PSMB7: variants seen among roughly 807,000 people sequenced by gnomAD.
PSMB7 encodes the protein proteasome subunit beta type-7.
Under a neutral mutation model 28.1 loss-of-function variants are expected in PSMB7, and 5 were observed. That is an observed-to-expected ratio of 0.18 (90% CI 0.09 to 0.37). PSMB7 has a LOEUF of 0.37. Among genes scored for constraint, PSMB7 ranks in the 10% least tolerant of loss-of-function variants. PSMB7 has a pLI of 1.00. For synonymous variants in PSMB7, 122 were observed against 123.7 expected (o/e 0.99, Z 0.09); for missense variants, 275 against 346.2 (o/e 0.79, Z 1.63).
At chr9:124,390,385 G>A (rs201909937) in intron 5 of PSMB7, among the ~76,000 whole-genome samples, 2 of 151,826 alleles carry the variant, frequency 1.3e-5, no homozygotes, top group African/African-American at 2.4e-5. Context: ...CCCAAGTCAC[G>A]TATCTTAAAA....
chr9:124,402,517 T>A (rs529702713), intron 5 of PSMB7, among the ~76,000 whole-genome samples: 1 of 152,314 alleles, frequency 6.6e-6, no homozygotes, highest in African/African-American at 2.4e-5. Context: ...GGTGAAAGGC[T>A]GTGGTGCCTG....
chr9:124,365,924 G>C (rs1326226125), intron 6 of PSMB7, among the ~76,000 whole-genome samples: 1 of 152,050 alleles, frequency 6.6e-6, no homozygotes, highest in Non-Finnish European at 1.5e-5. Flanking sequence ...CAAAAAACGA[G>C]AGAGAAAGGA....
intron 1 of PSMB7, chr9:124,415,141 G>C (rs962336678): frequency 1.3e-5 from 8 of 630,554 alleles, no homozygotes; most frequent in Non-Finnish European, 2.2e-5. Flanking sequence ...CTTAGGAGAC[G>C]GAGATAAACG....
chr9:124,370,753 T>A (rs1466763596), intron 6 of PSMB7, among the ~76,000 whole-genome samples: 1 of 152,242 alleles, frequency 6.6e-6, no homozygotes, highest in Non-Finnish European at 1.5e-5. Context: ...TTGTAGGCAG[T>A]GGTCTCAATT....
intron 6 of PSMB7, among the ~76,000 whole-genome samples, chr9:124,375,525 C>A (rs1325784604): frequency 1.3e-5 from 2 of 149,810 alleles, no homozygotes; most frequent in African/African-American, 5.1e-5. Context: ...ACACATTTTT[C>A]CCCCCAGACA....
intron 5 of PSMB7, among the ~76,000 whole-genome samples, chr9:124,388,350 C>T (rs1217621384): frequency 1.3e-5 from 2 of 152,208 alleles, no homozygotes; most frequent in African/African-American, 4.8e-5. Context: ...AGGACGTGCC[C>T]TCCACAAATG....
At chr9:124,390,915 G>C (rs533924266) in intron 5 of PSMB7, among the ~76,000 whole-genome samples, 1 of 152,286 alleles carries the variant, frequency 6.6e-6, no homozygotes, top group African/African-American at 2.4e-5. Context: ...TGAGTCAACA[G>C]ACCCAAAGAA....
chr9:124,384,786 T>C, intron 5 of PSMB7, 130 bp from the exon 6 acceptor site: 1 of 734,072 alleles, frequency 1.4e-6, no homozygotes, highest in African/African-American at 1.8e-5. Context: ...AAATATTAAT[T>C]CTACAGGGCC....
intron 5 of PSMB7, among the ~76,000 whole-genome samples, chr9:124,402,967 G>C (rs560484386): frequency 6.6e-6 from 1 of 152,096 alleles, no homozygotes; most frequent in Non-Finnish European, 1.5e-5. Flanking sequence ...CCTTGTAAGA[G>C]GCTAGATAAC....
chr9:124,383,171 T>A (rs1830685242), intron 6 of PSMB7, among the ~76,000 whole-genome samples: 1 of 152,222 alleles, frequency 6.6e-6, no homozygotes. Flanking sequence ...ATTTTTTCTC[T>A]GTATTTAAGA....
chr9:124,406,497 CAAAAAA>C (rs772524538), intron 4 of PSMB7, among the ~76,000 whole-genome samples: 75 of 50,498 alleles, frequency 1.5e-3, no homozygotes, highest in Non-Finnish European at 2.6e-3. Context: ...AGAGTTGTCT[CAAAAAA>C]AAAAAAAAAA....
At chr9:124,378,120 C>T (rs1231625721) in intron 6 of PSMB7, among the ~76,000 whole-genome samples, 1 of 152,216 alleles carries the variant, frequency 6.6e-6, no homozygotes, top group Non-Finnish European at 1.5e-5. Context: ...AGATCTGATC[C>T]TCTCAGCTTT....
At chr9:124,364,814 G>A (rs1482690912) in intron 6 of PSMB7, among the ~76,000 whole-genome samples, 5 of 152,188 alleles carry the variant, frequency 3.3e-5, no homozygotes, top group Non-Finnish European at 7.3e-5. Context: ...AGCAATGACA[G>A]AAATCCAGTC....
Position 124,373,370 on chromosome 9 carries a change from T to C in PSMB7, c.570+11228A>G, listed in dbSNP as rs1446061040. ...CTAAATAAAGCCAGAGAGAAAATTATTGGGGAAAACTGATACATCTTTTGA... is the reference window on the plus strand; with the variant it reads ...CTAAATAAAGCCAGAGAGAAAATTACTGGGGAAAACTGATACATCTTTTGA... On this transcript the variant is annotated intron_variant, in intron 6 of 7. Transcript: ENST00000259457. 2.6e-5 allele frequency among the ~76,000 whole-genome samples: 4 copies of C among 152,166 alleles called. No individual in the cohort carries two copies. In the East Asian group the frequency reaches 5.8e-4, roughly 22 times the overall value.
At chr9:124,362,621 CAGTT>C (rs756458357) in intron 6 of PSMB7, among the ~76,000 whole-genome samples, 15 of 152,064 alleles carry the variant, frequency 9.9e-5, no homozygotes, top group Admixed American at 1.3e-4. Context: ...TACAACATCT[CAGTT>C]AGAAGGAGTA....
Position 124,395,664 on chromosome 9 carries a change from G to A in PSMB7, c.511+9653C>T, listed in dbSNP as rs149062304. Reference sequence around the variant, plus strand: ...AGAGCGTGCACACATAAAACGCGACGCTTCAGCACCCCAATAACCCTGTGA... The same window carrying A: ...AGAGCGTGCACACATAAAACGCGACACTTCAGCACCCCAATAACCCTGTGA... On this transcript the variant is annotated intron_variant, in intron 5 of 7. Coordinates refer to ENST00000259457, the MANE Select transcript of PSMB7 (RefSeq NM_002799.4). Among the ~76,000 whole-genome samples, 37 of 152,178 alleles carry A rather than the reference G, an allele frequency of 2.4e-4. 1 individual carries two copies. In the East Asian group the frequency reaches 7.1e-3, roughly 29 times the overall value.
chr9:124,372,338 CAG>C (rs1349529578), intron 6 of PSMB7, among the ~76,000 whole-genome samples: 1 of 152,196 alleles, frequency 6.6e-6, no homozygotes, highest in Non-Finnish European at 1.5e-5. Flanking sequence ...GAAGACATGA[CAG>C]AATTTTCAGA....
intron 6 of PSMB7, among the ~76,000 whole-genome samples, chr9:124,369,710 C>T (rs761341715): frequency 4.6e-5 from 7 of 152,156 alleles, no homozygotes; most frequent in Non-Finnish European, 1.0e-4. Flanking sequence ...CAGGGGCCCC[C>T]GTGCCTCTGG....
intron 4 of PSMB7, among the ~76,000 whole-genome samples, chr9:124,411,502 T>G (rs1831026967): frequency 2.0e-5 from 3 of 152,220 alleles, no homozygotes; most frequent in Non-Finnish European, 2.9e-5. Flanking sequence ...GCAAAGAATT[T>G]GTTAAAGGTA....
Sources: gnomAD v4.1 joint callset for allele counts (sites outside exome capture counted in the v4.1 genomes callset) on GRCh38, gnomAD v4.1.1 for gene constraint, MANE v1.5 for transcripts, NCBI Gene and HGNC (gene_info 2026-07-23, HGNC 2026-07-21) for gene names.